The following MSH4 variants were observed in gnomAD, a reference collection of about 807,000 sequenced individuals.
MSH4 encodes mutS protein homolog 4.
In MSH4, 106 loss-of-function variants were observed where a neutral mutation model predicts 113.7. The observed-to-expected ratio is 0.93, with a 90% CI of 0.80 to 1.10. The LOEUF (loss-of-function observed/expected upper bound fraction) is 1.10, where lower values mean the gene tolerates loss of function less well. Ranked by LOEUF, MSH4 falls within the 50% of genes least tolerant of loss-of-function variation. The pLI, the probability that MSH4 is intolerant of heterozygous loss-of-function variation, is 0.00. For synonymous variants in MSH4, 368 were observed against 380.2 expected (o/e 0.97, Z 0.37); for missense variants, 1,061 against 1,093.7 (o/e 0.97, Z 0.42).
Position 75,900,564 on chromosome 1 carries a change from C to T in MSH4, c.2619+858C>T, listed in dbSNP as rs189715583. On this transcript the variant is annotated intron_variant, in intron 19 of 19. Transcript: ENST00000263187. ...TCAGGTGATCCACCAACCTCGGGCTCCCAAAGTGCTGGGATTACAGGTGTG... is the reference window on the plus strand; with the variant it reads ...TCAGGTGATCCACCAACCTCGGGCTTCCAAAGTGCTGGGATTACAGGTGTG... 6.0e-4 allele frequency among the ~76,000 whole-genome samples: 92 copies of T among 152,190 alleles called. 2 individuals carry two copies. In the East Asian group the frequency reaches 0.016, roughly 26 times the overall value.
At chr1:75,871,278 T>A (rs1651708127) in intron 9 of MSH4, among the ~76,000 whole-genome samples, 1 of 152,144 alleles carries the variant, frequency 6.6e-6, no homozygotes, top group Non-Finnish European at 1.5e-5. Context: ...CTCCATCTGG[T>A]CTCTCCCTGG....
intron 7 of MSH4, among the ~76,000 whole-genome samples, chr1:75,844,704 T>A (rs951403218): frequency 3.3e-5 from 5 of 152,238 alleles, no homozygotes; most frequent in African/African-American, 1.2e-4. Flanking sequence ...TAAATTTATT[T>A]TTGTAGAACA....
intron 1 of MSH4, 135 bp downstream of exon 1, chr1:75,797,364 A>C: frequency 8.0e-7 from 1 of 1,246,316 alleles, no homozygotes; most frequent in African/African-American, 1.5e-5. Flanking sequence ...GTGCCCTGGG[A>C]ATTTGGTGAG....
intron 19 of MSH4, among the ~76,000 whole-genome samples, chr1:75,910,461 G>T (rs1344483180): frequency 1.3e-5 from 2 of 150,572 alleles, no homozygotes; most frequent in Admixed American, 1.3e-4. Context: ...TTGAAACAAG[G>T]TCTCACTGTG....
At chr1:75,857,404 G>A (rs1430898019) in intron 8 of MSH4, among the ~76,000 whole-genome samples, 1 of 152,042 alleles carries the variant, frequency 6.6e-6, no homozygotes, top group Non-Finnish European at 1.5e-5. Context: ...TTTCTTCTAG[G>A]GTTTTTATGG....
rs777562563 is a variant in MSH4 at position 75,815,126 on chromosome 1, G to A, written c.805G>A (p.Val269Ile). The A allele has an allele frequency of 1.3e-6, 2 of 1,535,118 alleles. No individual in the cohort carries two copies. Among genetic ancestry groups the A allele is most frequent in the African/African-American group, 1.4e-5 (1 of 71,032 alleles). Reference sequence around the variant, plus strand: ...AGAATTCAGCACTGTCCTAATGGAGGTTCAGTCCAAGTAAGTTATATATTT... The same window carrying A: ...AGAATTCAGCACTGTCCTAATGGAGATTCAGTCCAAGTAAGTTATATATTT... ...IAEFSTVLME[V>I]QSKYYCLAAV... The change falls in exon 5 of 20, where the codon GTT becomes ATT. Residue 269 changes from valine to isoleucine, a missense_variant. Transcript: ENST00000263187.
At chr1:75,883,531 T>C in intron 14 of MSH4, 90 bp from the exon 15 acceptor site, 6 of 1,017,620 alleles carry the variant, frequency 5.9e-6, no homozygotes, top group Non-Finnish European at 8.5e-6. Context: ...AGTGTGAAAA[T>C]CACTAAGATA....
At chr1:75,883,148 G>T (rs533688991) in intron 14 of MSH4, among the ~76,000 whole-genome samples, 3 of 151,046 alleles carry the variant, frequency 2.0e-5, no homozygotes, top group South Asian at 4.2e-4. Flanking sequence ...GGGACTACAG[G>T]CATGAGCCAT....
At chr1:75,909,182 C>G (rs946400074) in intron 19 of MSH4, among the ~76,000 whole-genome samples, 1 of 152,138 alleles carries the variant, frequency 6.6e-6, no homozygotes, top group African/African-American at 2.4e-5. Context: ...CTATCCACCT[C>G]AATCTCACTT....
chr1:75,877,280 C>A (rs1477388459), intron 10 of MSH4, among the ~76,000 whole-genome samples: 3 of 152,022 alleles, frequency 2.0e-5, no homozygotes, highest in Admixed American at 2.0e-4. Context: ...AGCCATTCTC[C>A]ATGGAAAGAC....
chr1:75,827,999 A>T (rs984495297), intron 7 of MSH4, among the ~76,000 whole-genome samples: 1 of 152,230 alleles, frequency 6.6e-6, no homozygotes, highest in African/African-American at 2.4e-5. Flanking sequence ...GGCAAAGTAC[A>T]TCAACAGATG....
Position 75,883,620 on chromosome 1 carries a change from G to A in MSH4, c.1907-1G>A. 1.2e-6 allele frequency: 2 copies of A among 1,600,540 alleles called. No homozygotes were observed. The highest frequency in any genetic ancestry group is 1.1e-5 in the South Asian group (1 of 88,134). On this transcript the variant is annotated splice_acceptor_variant, in intron 14 of 19. Transcript: ENST00000263187. LOFTEE classifies it high-confidence loss of function. ...AAAACCATTCTATTTTTTTTCTTAA[G>A]TTCGACCAGAATTTACTGATACTTT... is the stretch of plus-strand genomic sequence containing the variant.
intron 7 of MSH4, among the ~76,000 whole-genome samples, chr1:75,841,205 C>A (rs902193379): frequency 3.3e-5 from 3 of 91,660 alleles, no homozygotes; most frequent in Middle Eastern, 6.9e-3. Context: ...TTTTTTTGTT[C>A]TCTCTCTCTT....
At chr1:75,890,198 T>C (rs1318234754) in intron 16 of MSH4, among the ~76,000 whole-genome samples, 2 of 152,028 alleles carry the variant, frequency 1.3e-5, no homozygotes, top group Non-Finnish European at 2.9e-5. Flanking sequence ...TTAGTCTCCA[T>C]TGGTCATGGA....
chr1:75,888,035 A>G (rs1652164519), intron 15 of MSH4, among the ~76,000 whole-genome samples: 1 of 150,548 alleles, frequency 6.6e-6, no homozygotes, highest in Non-Finnish European at 1.5e-5. Flanking sequence ...AAGAGTGGAT[A>G]TAAAATATCT....
At chr1:75,908,614 A>G (rs952204197) in intron 19 of MSH4, among the ~76,000 whole-genome samples, 1 of 152,086 alleles carries the variant, frequency 6.6e-6, no homozygotes, top group Non-Finnish European at 1.5e-5. Flanking sequence ...TGCTTTGTTC[A>G]TTTGGGGAGA....
In MSH4 at chr1:75,809,210, C is replaced by T. The variant is rs1203410877; in HGVS notation, c.589-1487C>T. ...TGCTAGAATTATAGGCATGAGCCATCGAGCCTAGTTAATTATTATTTTGAA... is the reference window on the plus strand; with the variant it reads ...TGCTAGAATTATAGGCATGAGCCATTGAGCCTAGTTAATTATTATTTTGAA... On this transcript the variant is annotated intron_variant, in intron 3 of 19. Coordinates refer to ENST00000263187, the MANE Select transcript of MSH4 (RefSeq NM_002440.4). 5.3e-5 allele frequency among the ~76,000 whole-genome samples: 8 copies of T among 152,084 alleles called. No homozygotes were observed. The East Asian group carries it at 7.7e-4, about 15-fold the overall frequency.
intron 9 of MSH4, among the ~76,000 whole-genome samples, chr1:75,873,812 A>G (rs931112757): frequency 5.3e-5 from 8 of 152,166 alleles, no homozygotes; most frequent in African/African-American, 7.2e-5. Flanking sequence ...TCTTTATCCA[A>G]TCTGTCACTC....
chr1:75,880,306 G>A (rs550817805), intron 13 of MSH4, among the ~76,000 whole-genome samples, 153 bp downstream of exon 13: 1 of 152,246 alleles, frequency 6.6e-6, no homozygotes, highest in Non-Finnish European at 1.5e-5. Context: ...TAGAATCACT[G>A]AGCCTCACAG....
Sources: gnomAD v4.1 joint callset for allele counts (sites outside exome capture counted in the v4.1 genomes callset) on GRCh38, gnomAD v4.1.1 for gene constraint, MANE v1.5 for transcripts, NCBI Gene and HGNC (gene_info 2026-07-23, HGNC 2026-07-21) for gene names.